SFMBT2: variants seen among roughly 807,000 people sequenced by gnomAD.
SFMBT2 encodes the protein scm-like with four MBT domains protein 2.
Under a neutral mutation model 110.1 loss-of-function variants are expected in SFMBT2, and 38 were observed. That is an observed-to-expected ratio of 0.35 (90% CI 0.27 to 0.45). The LOEUF is 0.45. SFMBT2 is among the 20% of genes least tolerant of loss of function. SFMBT2 has a pLI of 1.00. For missense variants in SFMBT2, 1,011 were observed against 1,094.9 expected (o/e 0.92, Z 1.08); for synonymous variants, 425 against 425.4 (o/e 1.00, Z 0.01).
At chr10:7,403,964 T>C (rs1277683722) in intron 1 of SFMBT2, among the ~76,000 whole-genome samples, 1 of 152,218 alleles carries the variant, frequency 6.6e-6, no homozygotes, top group Admixed American at 6.5e-5. Flanking sequence ...TGGATTGGAA[T>C]GCTCCTAACA....
intron 13 of SFMBT2, among the ~76,000 whole-genome samples, chr10:7,201,657 A>G (rs1322581697): frequency 1.3e-5 from 2 of 152,186 alleles, no homozygotes; most frequent in African/African-American, 4.8e-5. Context: ...CCATCAGTGT[A>G]TTTTTATTTA....
At chr10:7,287,114 C>T (rs1842115229) in intron 4 of SFMBT2, among the ~76,000 whole-genome samples, 2 of 138,772 alleles carry the variant, frequency 1.4e-5, no homozygotes, top group African/African-American at 5.4e-5. Context: ...CAGAGTCTCG[C>T]TCTTTCACCC....
At chr10:7,350,783 CCT>C (rs995868567) in intron 4 of SFMBT2, among the ~76,000 whole-genome samples, 3 of 152,318 alleles carry the variant, frequency 2.0e-5, no homozygotes, top group East Asian at 1.9e-4. Flanking sequence ...TGCAAATCCC[CCT>C]GAGGTTAGCC....
chr10:7,293,968 T>G lies in SFMBT2; in HGVS notation c.437-8014A>C, dbSNP rs1842331264. Among the ~76,000 whole-genome samples, 1 of 152,220 alleles carries G rather than the reference T, an allele frequency of 6.6e-6. No individual in the cohort carries two copies. The highest frequency in any genetic ancestry group is 1.5e-5 in the Non-Finnish European group (1 of 68,040). ...CAGTGATGTATATCACAGACATCAC[T>G]TCCTCGCTGGACATGGCCACATCTC... On this transcript the variant is annotated intron_variant, in intron 4 of 20. Coordinates refer to ENST00000397167, the MANE Select transcript of SFMBT2 (RefSeq NM_001387889.1). This position sits in a 1 kb window ranked among gnomAD's most constrained non-coding sequence, Gnocchi z 4.6.
At chr10:7,204,447 C>T (rs1839061693) in intron 12 of SFMBT2, 8 of 985,130 alleles carry the variant, frequency 8.1e-6, no homozygotes, top group African/African-American at 1.7e-5. Flanking sequence ...CAGTTAAAAC[C>T]TGTTATCTCT....
intron 4 of SFMBT2, among the ~76,000 whole-genome samples, chr10:7,346,733 G>T (rs960428237): frequency 1.3e-5 from 2 of 151,394 alleles, no homozygotes; most frequent in Non-Finnish European, 1.5e-5. Context: ...ACTTTGGGAG[G>T]CCGAGATAGG....
At chr10:7,362,168 A>C (rs576683477) in intron 4 of SFMBT2, among the ~76,000 whole-genome samples, 3 of 152,264 alleles carry the variant, frequency 2.0e-5, no homozygotes, top group Admixed American at 2.0e-4. Context: ...ATGTTCCTTA[A>C]TACTTTTAAT....
At chr10:7,224,275 C>A (rs1162950717) in intron 10 of SFMBT2, among the ~76,000 whole-genome samples, 1 of 152,162 alleles carries the variant, frequency 6.6e-6, no homozygotes, top group Non-Finnish European at 1.5e-5. Context: ...CAGCTCAAAT[C>A]TCAATTGAGT....
At chr10:7,260,741 T>C (rs900204141) in intron 7 of SFMBT2, among the ~76,000 whole-genome samples, 2 of 151,698 alleles carry the variant, frequency 1.3e-5, no homozygotes, top group African/African-American at 4.8e-5. Context: ...GCAGGGGCAG[T>C]TGTCACTTAG....
At chr10:7,276,768 C>T (rs754689476) in intron 7 of SFMBT2, 124 bp downstream of exon 7, 23 of 659,258 alleles carry the variant, frequency 3.5e-5, no homozygotes, top group East Asian at 8.1e-5. Context: ...TGTCGTGATC[C>T]GCCCACCTCA....
chr10:7,282,987 G>A (rs755507005), intron 6 of SFMBT2, among the ~76,000 whole-genome samples: 8 of 151,502 alleles, frequency 5.3e-5, no homozygotes, highest in Non-Finnish European at 8.8e-5. Context: ...AGAGGAGGCC[G>A]GTAAGAGGGG....
intron 1 of SFMBT2, among the ~76,000 whole-genome samples, chr10:7,397,953 A>G (rs974084316): frequency 6.6e-6 from 1 of 152,242 alleles, no homozygotes; most frequent in African/African-American, 2.4e-5. Flanking sequence ...TGTTCGGGGC[A>G]GGAGTTCACC....
chr10:7,351,960 A>G (rs779645309), intron 4 of SFMBT2, among the ~76,000 whole-genome samples: 2 of 152,088 alleles, frequency 1.3e-5, no homozygotes, highest in East Asian at 1.9e-4. Context: ...AACCGAGAGC[A>G]AGATTGTGTC....
At chr10:7,382,555 C>T (rs546633445) in intron 1 of SFMBT2, among the ~76,000 whole-genome samples, 25 of 152,278 alleles carry the variant, frequency 1.6e-4, no homozygotes, top group South Asian at 2.1e-4. Flanking sequence ...CGAACAGAAA[C>T]TTGCATTTCA....
intron 7 of SFMBT2, 133 bp downstream of exon 7, chr10:7,276,759 G>A (rs1400022146): frequency 7.8e-6 from 5 of 642,110 alleles, no homozygotes; most frequent in Non-Finnish European, 1.4e-5. Flanking sequence ...ATCTCCTGAT[G>A]TCGTGATCCG....
chr10:7,281,480 A>T (rs1841947726), intron 6 of SFMBT2, among the ~76,000 whole-genome samples: 1 of 152,224 alleles, frequency 6.6e-6, no homozygotes, highest in Admixed American at 6.5e-5. Flanking sequence ...TCGGCCTAGT[A>T]TTTTCTATGC....
At chr10:7,377,339 T>C (rs1421681983) in intron 2 of SFMBT2, among the ~76,000 whole-genome samples, 4 of 152,106 alleles carry the variant, frequency 2.6e-5, no homozygotes, top group African/African-American at 9.7e-5. Flanking sequence ...CAGGGACTGG[T>C]TTTGTGGAAG....
intron 11 of SFMBT2, among the ~76,000 whole-genome samples, chr10:7,212,779 T>A (rs1385721356): frequency 6.6e-6 from 1 of 152,186 alleles, no homozygotes; most frequent in Non-Finnish European, 1.5e-5. Flanking sequence ...TTGCTGAGTG[T>A]CATGTTATGG....
At chr10:7,213,872 C>G (rs1468192667) in intron 11 of SFMBT2, among the ~76,000 whole-genome samples, 2 of 152,224 alleles carry the variant, frequency 1.3e-5, no homozygotes, top group African/African-American at 4.8e-5. Flanking sequence ...CGTCCAAAGC[C>G]ACAGAGAAAG....
Sources: allele counts gnomAD v4.1 joint callset (sites outside exome capture counted in the v4.1 genomes callset), GRCh38; gene constraint gnomAD v4.1.1; non-coding constraint Gnocchi (gnomAD v3.1); transcripts MANE v1.5; gene names NCBI Gene and HGNC (gene_info 2026-07-23, HGNC 2026-07-21).